Variants in RMST observed in about 807,000 individuals in gnomAD.
The protein encoded by RMST is rhabdomyosarcoma 2 associated transcript.
intron 11 of RMST, chr12:97,533,022 A>G (rs971177292): frequency 2.6e-5 from 4 of 151,796 alleles, no homozygotes; most frequent in Non-Finnish European, 4.4e-5. Context: ...TTTAATTTTC[A>G]TTTTTGCACT....
chr12:97,497,779 A>G (rs1358295487), intron 10 of RMST, among the ~76,000 whole-genome samples: 1 of 152,044 alleles, frequency 6.6e-6, no homozygotes, highest in East Asian at 1.9e-4. Flanking sequence ...ATATAATGTG[A>G]ATTAGAGCAT....
chr12:97,534,313 G>A (rs945279164), intron 11 of RMST, among the ~76,000 whole-genome samples: 1 of 151,638 alleles, frequency 6.6e-6, no homozygotes, highest in Non-Finnish European at 1.5e-5. Context: ...TATCTCTAAA[G>A]TAAGCAATAT....
intron 10 of RMST, among the ~76,000 whole-genome samples, chr12:97,506,844 C>T (rs150054834): frequency 0.015 from 2,340 of 151,824 alleles, 65 homozygotes; most frequent in African/African-American, 0.054. Flanking sequence ...CCACCACTCC[C>T]GGCTAATTTT....
At chr12:97,485,593 T>C (rs893751460) in intron 5 of RMST, among the ~76,000 whole-genome samples, 4 of 152,222 alleles carry the variant, frequency 2.6e-5, no homozygotes, top group African/African-American at 9.6e-5. Context: ...ATCTGCCTGA[T>C]AATTTGTTAT....
chr12:97,484,330 C>A (rs1406620361), intron 5 of RMST, among the ~76,000 whole-genome samples: 1 of 152,100 alleles, frequency 6.6e-6, no homozygotes, highest in African/African-American at 2.4e-5. Flanking sequence ...AAGTGGATAC[C>A]ATTCTGACAT....
chr12:97,547,153 A>G (rs537143784), intron 11 of RMST, among the ~76,000 whole-genome samples: 10 of 150,664 alleles, frequency 6.6e-5, no homozygotes, highest in Admixed American at 2.0e-4. Context: ...CTCCAGTTCA[A>G]TCTATGTTGC....
At chr12:97,540,241 A>G (rs1156681166) in intron 11 of RMST, among the ~76,000 whole-genome samples, 1 of 151,706 alleles carries the variant, frequency 6.6e-6, no homozygotes, top group Admixed American at 6.6e-5. Context: ...GAGAGTGAAC[A>G]GTGGTTACCA....
At chr12:97,477,835 TTTTAATTGTGTAGTTCCCCTC>T (rs1874738435) in intron 5 of RMST, among the ~76,000 whole-genome samples, 1 of 152,208 alleles carries the variant, frequency 6.6e-6, no homozygotes, top group African/African-American at 2.4e-5. Flanking sequence ...TAAAAGCACT[TTTTAATTGTGTAGTTCCCCTC>T]TGCCAGTTCT....
chr12:97,484,142 G>A (rs550787398), intron 5 of RMST, among the ~76,000 whole-genome samples: 10 of 152,216 alleles, frequency 6.6e-5, no homozygotes, highest in East Asian at 1.9e-4. Context: ...TGTTGATGGC[G>A]TTGTAGAGTT....
chr12:97,525,868 C>G (rs1881038686), intron 10 of RMST, among the ~76,000 whole-genome samples: 3 of 152,268 alleles, frequency 2.0e-5, no homozygotes, highest in Middle Eastern at 3.4e-3. Context: ...AAATCACTTG[C>G]ATTACAACCT....
chr12:97,524,148 T>C (rs924172750), intron 10 of RMST, among the ~76,000 whole-genome samples: 5 of 148,524 alleles, frequency 3.4e-5, no homozygotes, highest in African/African-American at 1.0e-4. Flanking sequence ...CTTTACAAAG[T>C]ATGTCATTCT....
chr12:97,516,721 G>T (rs1398246152), intron 10 of RMST, among the ~76,000 whole-genome samples: 1 of 151,672 alleles, frequency 6.6e-6, no homozygotes, highest in East Asian at 1.9e-4. Flanking sequence ...TGACTCAAAA[G>T]ATTTATGTTA....
intron 10 of RMST, among the ~76,000 whole-genome samples, chr12:97,498,954 C>T (rs1350578316): frequency 1.3e-5 from 2 of 152,240 alleles, no homozygotes; most frequent in Non-Finnish European, 1.5e-5. Flanking sequence ...GTGATCTACC[C>T]CTGGCCTTCA....
chr12:97,561,047 G>A (rs1259903660), exon 13 of RMST: 1 of 152,232 alleles, frequency 6.6e-6, no homozygotes, highest in Non-Finnish European at 1.5e-5. Context: ...GGCTTCATGA[G>A]GTGAATATCT....
intron 10 of RMST, among the ~76,000 whole-genome samples, chr12:97,519,266 TTGAC>T (rs1880265964): frequency 6.6e-6 from 1 of 152,174 alleles, no homozygotes; most frequent in African/African-American, 2.4e-5. Context: ...TGTTGGTTGG[TTGAC>T]TGAGTGATAA....
chr12:97,502,231 C>G (rs1458313045), intron 10 of RMST, among the ~76,000 whole-genome samples: 1 of 152,088 alleles, frequency 6.6e-6, no homozygotes, highest in Non-Finnish European at 1.5e-5. Context: ...CTGCTTCATT[C>G]TTGTTCTTAA....
chr12:97,489,616 C>T (rs879273146), intron 5 of RMST, among the ~76,000 whole-genome samples: 12 of 152,164 alleles, frequency 7.9e-5, no homozygotes, highest in Non-Finnish European at 1.2e-4. Flanking sequence ...TTTTTAAATC[C>T]AAATTGTCCC....
intron 10 of RMST, among the ~76,000 whole-genome samples, chr12:97,513,528 C>T (rs1360478688): frequency 6.6e-6 from 1 of 152,130 alleles, no homozygotes; most frequent in Middle Eastern, 3.2e-3. Context: ...GAGCTTCTGC[C>T]TTCATAGAGC....
At chr12:97,534,760 G>A (rs1881939688) in intron 11 of RMST, among the ~76,000 whole-genome samples, 1 of 151,652 alleles carries the variant, frequency 6.6e-6, no homozygotes, top group African/African-American at 2.4e-5. Flanking sequence ...TTATAGCTGT[G>A]AAATAACATT....
Sources: allele counts gnomAD v4.1 joint callset (sites outside exome capture counted in the v4.1 genomes callset), GRCh38; gene constraint gnomAD v4.1.1; transcripts MANE v1.5; gene names NCBI Gene and HGNC (gene_info 2026-07-23, HGNC 2026-07-21).